Variants in RGS6 observed in about 807,000 individuals in gnomAD.
RGS6 encodes regulator of G-protein signaling 6.
Under a neutral mutation model 78.5 loss-of-function variants are expected in RGS6, and 30 were observed. The observed-to-expected ratio is 0.38, with a 90% CI of 0.29 to 0.52. RGS6 has a LOEUF of 0.52. RGS6 is among the 20% of genes least tolerant of loss of function. The probability of loss-of-function intolerance (pLI) is 0.85; values close to 1 mark genes in which losing one functional copy is unlikely to be tolerated. For synonymous variants in RGS6, 206 were observed against 206.0 expected (o/e 1.00, Z 0.00); for missense variants, 495 against 609.7 (o/e 0.81, Z 1.98).
At chr14:72,232,015 G>A (rs1389899889) in intron 2 of RGS6, among the ~76,000 whole-genome samples, 2 of 152,212 alleles carry the variant, frequency 1.3e-5, no homozygotes, top group Admixed American at 1.3e-4. Context: ...GTATGAGGCT[G>A]TATGAAGGGA....
chr14:72,073,665 C>T (rs2094481362), intron 2 of RGS6, among the ~76,000 whole-genome samples: 1 of 152,156 alleles, frequency 6.6e-6, no homozygotes, highest in Admixed American at 6.5e-5. Context: ...GAAGAAAATC[C>T]ATGCAGATGT....
chr14:72,419,363 G>T (rs899374363), intron 3 of RGS6, among the ~76,000 whole-genome samples: 1 of 152,222 alleles, frequency 6.6e-6, no homozygotes, highest in Non-Finnish European at 1.5e-5. Context: ...GAGGCACAGA[G>T]AAGTTCAGCA....
At chr14:71,985,585 A>C (rs1258442995) in intron 2 of RGS6, among the ~76,000 whole-genome samples, 2 of 152,194 alleles carry the variant, frequency 1.3e-5, no homozygotes, top group African/African-American at 4.8e-5. Flanking sequence ...GTCAATATTG[A>C]TTTTGGCATA....
At chr14:72,174,251 G>T (rs1429409719) in intron 2 of RGS6, among the ~76,000 whole-genome samples, 1 of 152,216 alleles carries the variant, frequency 6.6e-6, no homozygotes, top group Non-Finnish European at 1.5e-5. Flanking sequence ...GGGATTACAG[G>T]CATAGGCCAC....
intron 2 of RGS6, among the ~76,000 whole-genome samples, chr14:72,135,244 T>C (rs376231439): frequency 2.0e-5 from 3 of 152,176 alleles, no homozygotes; most frequent in Non-Finnish European, 2.9e-5. Context: ...CACAAAAACC[T>C]TGGTCTGAAG....
chr14:72,338,194 T>C (rs1466581432), intron 2 of RGS6, among the ~76,000 whole-genome samples: 1 of 151,960 alleles, frequency 6.6e-6, no homozygotes, highest in Non-Finnish European at 1.5e-5. Context: ...GAAGCTGTAT[T>C]AGTTTTCACA....
chr14:71,962,050 A>T lies in RGS6; in HGVS notation c.-20-2722A>T, dbSNP rs2093239921. ...AACATCTGTTGACCTATGGACTAGA[A>T]AGTATATTATTATTTTAGAAATGAT... On this transcript the variant is annotated intron_variant, in intron 1 of 17. Transcript: ENST00000553525. Among the ~76,000 whole-genome samples the T allele has an allele frequency of 2.0e-5, 3 of 152,210 alleles. No individual in the cohort carries two copies. In the South Asian group the frequency reaches 6.2e-4, roughly 32 times the overall value.
chr14:72,459,316 C>T lies in RGS6; in HGVS notation c.343-316C>T, dbSNP rs141380038. 2.5e-4 allele frequency among the ~76,000 whole-genome samples: 38 copies of T among 152,300 alleles called. 1 individual carries two copies. The East Asian group carries it at 7.1e-3, about 29-fold the overall frequency. On this transcript the variant is annotated intron_variant, in intron 5 of 17. Transcript: ENST00000553525. ...GTTAAAGGGAGGAAAGGAACATGGG[C>T]TTAGGTGCCCAGTAAGTTATGCCAG...
At chr14:72,391,450 C>A (rs1461342742) in intron 3 of RGS6, among the ~76,000 whole-genome samples, 1 of 152,166 alleles carries the variant, frequency 6.6e-6, no homozygotes, top group Non-Finnish European at 1.5e-5. Context: ...TACCTGTGTG[C>A]CATTGGGGTG....
intron 2 of RGS6, among the ~76,000 whole-genome samples, chr14:72,194,641 C>T (rs2039569592): frequency 6.6e-6 from 1 of 151,996 alleles, no homozygotes; most frequent in South Asian, 2.1e-4. Flanking sequence ...GGATTACAGG[C>T]GTGAGCTACT....
intron 2 of RGS6, among the ~76,000 whole-genome samples, chr14:72,102,522 T>A (rs1199612368): frequency 6.6e-6 from 1 of 152,190 alleles, no homozygotes; most frequent in African/African-American, 2.4e-5. Context: ...CACAGAACTT[T>A]ACAAGATACG....
chr14:72,079,086 C>T (rs936372392), intron 2 of RGS6, among the ~76,000 whole-genome samples: 1 of 152,078 alleles, frequency 6.6e-6, no homozygotes, highest in African/African-American at 2.4e-5. Flanking sequence ...CCTAGATGCC[C>T]TCCCTCAGCT....
At chr14:72,476,172 G>C (rs1445650796) in intron 10 of RGS6, among the ~76,000 whole-genome samples, 1 of 152,194 alleles carries the variant, frequency 6.6e-6, no homozygotes, top group Non-Finnish European at 1.5e-5. Context: ...CTACGGACAT[G>C]TGGAAAAACT....
chr14:72,629,529 G>A, the RGS6 span: 45 of 1,214,794 alleles, frequency 3.7e-5, no homozygotes, highest in Non-Finnish European at 5.1e-5. Flanking sequence ...CAGGCCCCAG[G>A]GGCCTAGTGA....
rs576859003 is a variant in RGS6 at position 72,097,714 on chromosome 14, GATGCAGCCCAGCTGCTGGCTTCTGC to G, written c.84+132850_84+132874del. ...GCCGGGAAGACTCCCACTTAGCCCA[GATGCAGCCCAGCTGCTGGCTTCTGC>G]ATGCAGCCCACCTCTTCTTGCTGGA... On this transcript the variant is annotated intron_variant, in intron 2 of 17. Coordinates refer to ENST00000553525, the MANE Select transcript of RGS6 (RefSeq NM_001204424.2). 7.0e-3 allele frequency among the ~76,000 whole-genome samples: 1,072 copies of G among 152,296 alleles called. 37 individuals carry two copies. Among genetic ancestry groups the G allele is most frequent in the Admixed American group, 0.062 (945 of 15,290 alleles).
intron 2 of RGS6, among the ~76,000 whole-genome samples, chr14:72,308,109 A>G (rs1209805227): frequency 2.0e-5 from 3 of 152,142 alleles, no homozygotes; most frequent in African/African-American, 7.2e-5. Context: ...ATCATCTTTA[A>G]ATATGATGAT....
At chr14:72,061,840 A>G (rs1416822151) in intron 2 of RGS6, among the ~76,000 whole-genome samples, 2 of 152,206 alleles carry the variant, frequency 1.3e-5, no homozygotes, top group Non-Finnish European at 2.9e-5. Context: ...CATGGCTAAT[A>G]TTGGTGAAAT....
intron 3 of RGS6, among the ~76,000 whole-genome samples, chr14:72,375,753 C>T (rs890600370): frequency 6.6e-6 from 1 of 152,328 alleles, no homozygotes; most frequent in Admixed American, 6.5e-5. Context: ...TCATAAATAT[C>T]GCTAGTATGG....
intron 2 of RGS6, among the ~76,000 whole-genome samples, chr14:72,195,911 C>T (rs532833981): frequency 6.6e-6 from 1 of 152,186 alleles, no homozygotes; most frequent in Non-Finnish European, 1.5e-5. Flanking sequence ...ATACCACACA[C>T]AAGATTTTGA....
Sources: gnomAD v4.1 joint callset for allele counts (sites outside exome capture counted in the v4.1 genomes callset) on GRCh38, gnomAD v4.1.1 for gene constraint, MANE v1.5 for transcripts, NCBI Gene and HGNC (gene_info 2026-07-23, HGNC 2026-07-21) for gene names.